The following ELAVL4 variants were observed in gnomAD, a reference collection of about 807,000 sequenced individuals.
The protein encoded by ELAVL4 is ELAV like RNA binding protein 4, also known as ELAV-like protein 4.
In ELAVL4, 1 loss-of-function variant was observed where a neutral mutation model predicts 35.6. That is an observed-to-expected ratio of 0.03 (90% confidence interval 0.01 to 0.13). ELAVL4 has a LOEUF of 0.13. Ranked by LOEUF, ELAVL4 falls within the 10% of genes least tolerant of loss-of-function variation. The pLI, the probability that ELAVL4 is intolerant of heterozygous loss-of-function variation, is 1.00. For missense variants in ELAVL4, 267 were observed against 464.9 expected, an observed-to-expected ratio of 0.57 and a Z score of 3.91; for synonymous variants, 156 against 171.0, an observed-to-expected ratio of 0.91 and a Z score of 0.69.
chr1:50,133,647 GAAAGAGAAAGAAAGAAA>G (rs1220426855), intron 1 of ELAVL4, among the ~76,000 whole-genome samples: 1 of 148,360 alleles, frequency 6.7e-6, no homozygotes, highest in Admixed American at 6.7e-5. Flanking sequence ...AAGAAAGAAA[GAAAGAGAAAGAAAGAAA>G]GAAAGAAAGA....
upstream of ELAVL4, among the ~76,000 whole-genome samples, chr1:50,102,179 C>T (rs1666014611): frequency 6.6e-6 from 1 of 151,682 alleles, no homozygotes. Flanking sequence ...CCCAGCTACT[C>T]AGGAGGCTGA....
intron 1 of ELAVL4, among the ~76,000 whole-genome samples, chr1:50,050,673 AG>A (rs1261107246): frequency 6.6e-6 from 1 of 152,150 alleles, no homozygotes; most frequent in East Asian, 1.9e-4. Flanking sequence ...TCTTGTGCCA[AG>A]ATTATATTTA....
intron 1 of ELAVL4, 64 bp downstream of exon 1, chr1:50,109,262 C>T (rs1221058427): frequency 6.5e-7 from 1 of 1,527,644 alleles, no homozygotes; most frequent in Non-Finnish European, 9.0e-7. Flanking sequence ...GCATCTACAC[C>T]TTGACCAGTC....
intron 1 of ELAVL4, among the ~76,000 whole-genome samples, chr1:50,122,511 T>C (rs1669204712): frequency 1.3e-5 from 2 of 152,252 alleles, no homozygotes; most frequent in African/African-American, 4.8e-5. Context: ...TTTTTATATG[T>C]TTAGCTGTAT....
chr1:50,048,093 A>G, exon 1 of ELAVL4: 1 of 1,441,582 alleles, frequency 6.9e-7, no homozygotes, highest in South Asian at 1.4e-5. Context: ...GACTCTGCGG[A>G]CGTCTTCCCG....
At chr1:50,169,325 C>T (rs1481611601) in intron 2 of ELAVL4, among the ~76,000 whole-genome samples, 1 of 152,124 alleles carries the variant, frequency 6.6e-6, no homozygotes, top group African/African-American at 2.4e-5. Context: ...CCCAGACACA[C>T]CCAGGAGCAA....
chr1:50,060,275 T>G (rs1450188952), intron 1 of ELAVL4, among the ~76,000 whole-genome samples: 1 of 152,174 alleles, frequency 6.6e-6, no homozygotes, highest in Non-Finnish European at 1.5e-5. Context: ...TATGACCTTT[T>G]CAAGTGTCAT....
At chr1:50,167,747 A>C (rs1269548047) in intron 2 of ELAVL4, among the ~76,000 whole-genome samples, 2 of 152,034 alleles carry the variant, frequency 1.3e-5, no homozygotes, top group African/African-American at 4.8e-5. Flanking sequence ...ATAATGGGCC[A>C]TTCTATCCAC....
chr1:50,090,625 A>G (rs1218981081), intron 1 of ELAVL4, among the ~76,000 whole-genome samples: 3 of 152,204 alleles, frequency 2.0e-5, no homozygotes, highest in African/African-American at 7.2e-5. Context: ...TCAGGGACCC[A>G]GGTGCCTCTC....
intron 2 of ELAVL4, among the ~76,000 whole-genome samples, chr1:50,158,801 G>T (rs915334596): frequency 2.6e-5 from 4 of 152,162 alleles, no homozygotes; most frequent in Admixed American, 2.6e-4. Flanking sequence ...AGCACTTTGG[G>T]AGTCCAAGGC....
chr1:50,162,720 A>G (rs1677022728), intron 2 of ELAVL4, among the ~76,000 whole-genome samples: 1 of 152,082 alleles, frequency 6.6e-6, no homozygotes, highest in South Asian at 2.1e-4. Context: ...AGTAGCTGGG[A>G]CCACAGGCAC....
At chr1:50,050,040 G>T (rs1663271151) in intron 1 of ELAVL4, among the ~76,000 whole-genome samples, 1 of 152,160 alleles carries the variant, frequency 6.6e-6, no homozygotes, top group African/African-American at 2.4e-5. Flanking sequence ...TAGCATGAGA[G>T]ATTTTAAATT....
intron 2 of ELAVL4, among the ~76,000 whole-genome samples, chr1:50,165,760 ATG>A (rs1677749423): frequency 1.7e-5 from 1 of 59,564 alleles, no homozygotes; most frequent in African/African-American, 4.8e-5. Flanking sequence ...ATATGTGTAT[ATG>A]TGTGTATATG....
At chr1:50,138,806 A>G (rs1377265039) in intron 1 of ELAVL4, among the ~76,000 whole-genome samples, 1 of 152,092 alleles carries the variant, frequency 6.6e-6, no homozygotes, top group Non-Finnish European at 1.5e-5. Flanking sequence ...ATAGAGATGG[A>G]AAGTAGAATG....
chr1:50,195,506 A>T (rs1302393418), intron 4 of ELAVL4, 55 bp from the exon 5 acceptor site: 10 of 1,588,722 alleles, frequency 6.3e-6, no homozygotes, highest in Non-Finnish European at 8.6e-6. Flanking sequence ...CTTCCCAAAG[A>T]TGTTTACCAG....
At chr1:50,129,621 T>C (rs925667664) in intron 1 of ELAVL4, among the ~76,000 whole-genome samples, 1 of 152,160 alleles carries the variant, frequency 6.6e-6, no homozygotes, top group Non-Finnish European at 1.5e-5. Context: ...CCCCCTTTGC[T>C]ATGTGTTTAC....
At chr1:50,083,100 A>G (rs1665083580) in intron 1 of ELAVL4, among the ~76,000 whole-genome samples, 1 of 152,176 alleles carries the variant, frequency 6.6e-6, no homozygotes, top group African/African-American at 2.4e-5. Flanking sequence ...ACTCTCACTC[A>G]GGCTGGAGTG....
intron 1 of ELAVL4, among the ~76,000 whole-genome samples, chr1:50,089,363 A>G (rs979552783): frequency 2.0e-5 from 3 of 152,326 alleles, no homozygotes; most frequent in East Asian, 3.9e-4. Flanking sequence ...TTCCAGGATG[A>G]TCTCTGTACC....
chr1:50,075,497 G>T (rs979320720), intron 1 of ELAVL4, among the ~76,000 whole-genome samples: 27 of 152,246 alleles, frequency 1.8e-4, no homozygotes, highest in African/African-American at 6.5e-4. Flanking sequence ...AAGGGGAAGT[G>T]GGAGCTCTAG....
Sources: allele counts gnomAD v4.1 joint callset (sites outside exome capture counted in the v4.1 genomes callset), GRCh38; gene constraint gnomAD v4.1.1; transcripts MANE v1.5; gene names NCBI Gene and HGNC (gene_info 2026-07-23, HGNC 2026-07-21).